ROBO2: variants seen among roughly 807,000 people sequenced by gnomAD.
ROBO2 encodes roundabout homolog 2.
A neutral mutation model predicts 160.8 loss-of-function variants in ROBO2; 53 were observed. The observed-to-expected ratio is 0.33, with a 90% confidence interval of 0.26 to 0.41. The LOEUF (loss-of-function observed/expected upper bound fraction) is 0.41. ROBO2 is among the 10% of genes least tolerant of loss of function. ROBO2 has a pLI of 1.00. For missense variants in ROBO2, 1,577 were observed against 1,722.4 expected, an observed-to-expected ratio of 0.92 and a Z score of 1.49; for synonymous variants, 664 against 611.7, an observed-to-expected ratio of 1.09 and a Z score of -1.26.
chr3:76,751,545 TC>T (rs2060650326), intron 2 of ROBO2, among the ~76,000 whole-genome samples: 1 of 152,156 alleles, frequency 6.6e-6, no homozygotes, highest in African/African-American at 2.4e-5. Context: ...AATCTACTCA[TC>T]TGACAAAGGG....
chr3:77,123,203 T>C (rs559322356), intron 2 of ROBO2, among the ~76,000 whole-genome samples: 35 of 152,322 alleles, frequency 2.3e-4, no homozygotes, highest in Non-Finnish European at 4.3e-4. Context: ...AGAAATTTAG[T>C]GTTCTGTGAA....
At chr3:76,527,608 C>T (rs2082015899) in intron 2 of ROBO2, among the ~76,000 whole-genome samples, 1 of 151,922 alleles carries the variant, frequency 6.6e-6, no homozygotes, top group Admixed American at 6.6e-5. Flanking sequence ...CCAGATACTA[C>T]TTTTTTAGGC....
At chr3:76,262,310 C>T (rs1480750972) in intron 2 of ROBO2, among the ~76,000 whole-genome samples, 1 of 150,824 alleles carries the variant, frequency 6.6e-6, no homozygotes, top group Non-Finnish European at 1.5e-5. Context: ...TTTTTTTCCC[C>T]ATCAATTCAT....
chr3:76,627,192 T>G (rs2089707282), intron 2 of ROBO2, among the ~76,000 whole-genome samples: 1 of 152,212 alleles, frequency 6.6e-6, no homozygotes, highest in Admixed American at 6.5e-5. Flanking sequence ...CCTTACTTAG[T>G]TTGCATTCTT....
intron 2 of ROBO2, among the ~76,000 whole-genome samples, chr3:76,826,012 A>G (rs1175848981): frequency 1.3e-5 from 2 of 151,802 alleles, no homozygotes; most frequent in Non-Finnish European, 2.9e-5. Context: ...TTTTCAAATC[A>G]AAAGCATTCT....
rs371953931 is a variant in ROBO2 at position 76,624,064 on chromosome 3, T to TA, written c.110-473941dup. On this transcript the variant is annotated intron_variant, in intron 2 of 26. Transcript: ENST00000487694. ...AGAATACTCTCTTTCCTTTCTCCATTAAAAAAAAAGCGATTATGTTCTCAC... is the reference window on the plus strand; with the variant it reads ...AGAATACTCTCTTTCCTTTCTCCATTAAAAAAAAAAGCGATTATGTTCTCAC... 7.3e-3 allele frequency among the ~76,000 whole-genome samples: 1,100 copies of TA among 150,466 alleles called. 14 individuals carry two copies. The highest frequency in any genetic ancestry group is 0.025 in the African/African-American group (1,031 of 41,108).
At chr3:76,060,119 T>TA (rs1197748210) in intron 2 of ROBO2, among the ~76,000 whole-genome samples, 2 of 144,760 alleles carry the variant, frequency 1.4e-5, no homozygotes, top group Non-Finnish European at 3.0e-5. Context: ...TTTTTTTTTT[T>TA]AAAGACAATG....
intron 2 of ROBO2, among the ~76,000 whole-genome samples, chr3:76,867,130 A>G (rs1459932135): frequency 1.3e-5 from 2 of 152,190 alleles, no homozygotes; most frequent in Non-Finnish European, 2.9e-5. Context: ...TTGGGAGAGT[A>G]TTAACACTAG....
chr3:76,684,096 G>A lies in ROBO2; in HGVS notation c.110-413918G>A, dbSNP rs556613462. On this transcript the variant is annotated intron_variant, in intron 2 of 26. Transcript: ENST00000487694. ...TAGGACATCATTAGAAAGAGAAGAG[G>A]TATGTATTGTTAGGAGAAGGAAAAA... Among the ~76,000 whole-genome samples the A allele has an allele frequency of 1.4e-3, 216 of 151,914 alleles. 1 individual carries two copies. Among genetic ancestry groups the A allele is most frequent in the African/African-American group, 4.6e-3 (192 of 41,442 alleles).
rs532031295 is a variant in ROBO2, at chr3:77,330,231, C to T, written c.389-147183C>T. Among the ~76,000 whole-genome samples, 4 of 152,162 alleles carry T rather than the reference C, an allele frequency of 2.6e-5. No homozygotes were observed. In the South Asian group the frequency reaches 8.3e-4, roughly 32 times the overall value. ...TATGTTGTTAAAGATTTTATTTATA[C>T]TTGTGGCTGGGCACAGTAGCTCATG... On this transcript the variant is annotated intron_variant, in intron 2 of 25. Transcript: ENST00000461745.
chr3:77,623,397 C>G (rs1004778016), intron 23 of ROBO2, among the ~76,000 whole-genome samples: 3 of 152,298 alleles, frequency 2.0e-5, no homozygotes, highest in Admixed American at 1.3e-4. Flanking sequence ...TTTATGCCAA[C>G]AGCTTCCAAA....
chr3:77,463,070 G>A (rs1399246129), intron 2 of ROBO2, among the ~76,000 whole-genome samples: 1 of 152,028 alleles, frequency 6.6e-6, no homozygotes, highest in African/African-American at 2.4e-5. Flanking sequence ...AATCTCTTTA[G>A]CACCATGAGG....
intron 2 of ROBO2, among the ~76,000 whole-genome samples, chr3:76,234,415 G>A (rs1241578946): frequency 6.6e-6 from 1 of 152,068 alleles, no homozygotes; most frequent in African/African-American, 2.4e-5. Flanking sequence ...TATTGGGTTG[G>A]TGCAATAGTA....
At chr3:77,317,010 C>T (rs1301418174) in intron 2 of ROBO2, 34 of 1,526,302 alleles carry the variant, frequency 2.2e-5, no homozygotes, top group Non-Finnish European at 3.0e-5. Context: ...ACTTCTTGTT[C>T]ACCTTCTGGT....
chr3:76,292,677 G>GA (rs996065550), intron 2 of ROBO2, among the ~76,000 whole-genome samples: 1 of 151,608 alleles, frequency 6.6e-6, no homozygotes, highest in African/African-American at 2.4e-5. Flanking sequence ...AAACTAGAAA[G>GA]AAAAATCCCT....
intron 2 of ROBO2, among the ~76,000 whole-genome samples, chr3:77,145,704 A>T (rs2077067017): frequency 6.6e-6 from 1 of 152,200 alleles, no homozygotes; most frequent in South Asian, 2.1e-4. Context: ...GACTTGAAAT[A>T]AGTGTGGCAT....
chr3:76,371,077 C>A (rs1035854232), intron 2 of ROBO2, among the ~76,000 whole-genome samples: 1 of 151,854 alleles, frequency 6.6e-6, no homozygotes, highest in Admixed American at 6.6e-5. Context: ...TGGCAGAGGG[C>A]TGACACACAA....
intron 2 of ROBO2, among the ~76,000 whole-genome samples, chr3:76,421,583 G>A (rs574270693): frequency 4.0e-5 from 6 of 150,938 alleles, no homozygotes; most frequent in African/African-American, 7.4e-5. Context: ...AAAATTAGCC[G>A]GACATGGTGG....
intron 2 of ROBO2, among the ~76,000 whole-genome samples, chr3:76,793,258 A>G (rs1174229732): frequency 6.6e-6 from 1 of 151,890 alleles, no homozygotes; most frequent in East Asian, 1.9e-4. Flanking sequence ...ACAAATATCT[A>G]TTATTAATAT....
Sources: gnomAD v4.1 joint callset for allele counts (sites outside exome capture counted in the v4.1 genomes callset) on GRCh38, gnomAD v4.1.1 for gene constraint, MANE v1.5 for transcripts, NCBI Gene and HGNC (gene_info 2026-07-23, HGNC 2026-07-21) for gene names.